The following ZNF423 variants were observed in gnomAD, a reference collection of about 807,000 sequenced individuals.
The protein encoded by ZNF423 is zinc finger protein 423, also known as Ebf-associated zinc finger protein.
ZNF423 carries 12 observed loss-of-function variants against 95.8 expected under a neutral mutation model. The observed-to-expected ratio is 0.13, with a 90% CI of 0.08 to 0.20. The LOEUF is 0.20. ZNF423 is among the 10% of genes least tolerant of loss of function. ZNF423 has a pLI of 1.00. For synonymous variants in ZNF423, 749 were observed against 711.9 expected (o/e 1.05, Z -0.83); for missense variants, 1,316 against 1,737.1 (o/e 0.76, Z 4.31).
chr16:49,851,372 G>A (rs1049763465), intron 1 of ZNF423, among the ~76,000 whole-genome samples: 3 of 152,228 alleles, frequency 2.0e-5, no homozygotes, highest in Non-Finnish European at 2.9e-5. Context: ...CAAATGAACA[G>A]TTAAGAGAAA....
Position 49,491,278 on chromosome 16 carries a change from C to T in ZNF423, c.3876G>A (p.Gln1292=), listed in dbSNP as rs763108153. ...LQNHTMSQHA[Q] The stretch of plus-strand genomic sequence containing the variant: ...AGGTGTCCTGTTGAGCGATCCCTCA[C>T]TGTGCGTGCTGGCTCATCGTGTGGT... The change falls in exon 8 of 8, where the codon CAG becomes CAA. Residue 1292 remains glutamine (Q), a synonymous_variant. Transcript: ENST00000563137. 6.8e-6 allele frequency: 11 copies of T among 1,614,116 alleles called. No homozygotes were observed. The East Asian group carries it at 2.2e-4, about 33-fold the overall frequency.
At chr16:49,506,975 G>C (rs1388896965) in intron 7 of ZNF423, among the ~76,000 whole-genome samples, 1 of 152,102 alleles carries the variant, frequency 6.6e-6, no homozygotes, top group Non-Finnish European at 1.5e-5. Flanking sequence ...AGGAAGAGGA[G>C]TGCATGAATA....
chr16:49,851,015 G>A (rs919921693), intron 1 of ZNF423, among the ~76,000 whole-genome samples: 13 of 152,276 alleles, frequency 8.5e-5, no homozygotes, highest in African/African-American at 2.9e-4. Flanking sequence ...ACTCAGAGCC[G>A]AAAGGCTCTG....
At chr16:49,522,889 T>A (rs1401309168) in intron 7 of ZNF423, among the ~76,000 whole-genome samples, 2 of 152,160 alleles carry the variant, frequency 1.3e-5, no homozygotes, top group Non-Finnish European at 2.9e-5. Flanking sequence ...TGCAAGAATT[T>A]TTTGCAAAAA....
intron 5 of ZNF423, among the ~76,000 whole-genome samples, chr16:49,549,678 C>T (rs965831511): frequency 6.6e-6 from 1 of 152,210 alleles, no homozygotes; most frequent in Non-Finnish European, 1.5e-5. Flanking sequence ...ATTCACACAT[C>T]CGGTCCTTGT....
chr16:49,848,416 G>A (rs2035267760), intron 1 of ZNF423, among the ~76,000 whole-genome samples: 1 of 152,176 alleles, frequency 6.6e-6, no homozygotes, highest in Admixed American at 6.5e-5. Context: ...ATTCAAAACA[G>A]TGAGTTCTCC....
intron 1 of ZNF423, among the ~76,000 whole-genome samples, chr16:49,791,454 G>C (rs1227276495): frequency 6.6e-6 from 1 of 152,186 alleles, no homozygotes; most frequent in Non-Finnish European, 1.5e-5. Context: ...CAAAAAATCA[G>C]TTTCCCTTAC....
At chr16:49,738,432 C>CTGATT (rs2033340603) in intron 2 of ZNF423, among the ~76,000 whole-genome samples, 1 of 152,122 alleles carries the variant, frequency 6.6e-6, no homozygotes, top group Non-Finnish European at 1.5e-5. Context: ...AGGCAAGTCC[C>CTGATT]CTACCTGAGC....
At chr16:49,655,490 C>T (rs889226687) in intron 3 of ZNF423, among the ~76,000 whole-genome samples, 1 of 152,206 alleles carries the variant, frequency 6.6e-6, no homozygotes, top group African/African-American at 2.4e-5. Flanking sequence ...ATCAGGTGCC[C>T]CTGCAGGAGA....
intron 3 of ZNF423, among the ~76,000 whole-genome samples, chr16:49,709,899 C>T (rs921060945): frequency 6.6e-6 from 1 of 152,170 alleles, no homozygotes; most frequent in African/African-American, 2.4e-5. Context: ...ATGTAAATCA[C>T]ACAATCAGTC....
chr16:49,585,032 C>G (rs1254032471), intron 5 of ZNF423, among the ~76,000 whole-genome samples: 8 of 152,148 alleles, frequency 5.3e-5, no homozygotes, highest in Non-Finnish European at 1.2e-4. Flanking sequence ...ATGGCTTTCT[C>G]AAGGCAGAAG....
chr16:49,547,576 A>G (rs1182311717), intron 5 of ZNF423, among the ~76,000 whole-genome samples: 1 of 152,166 alleles, frequency 6.6e-6, no homozygotes, highest in African/African-American at 2.4e-5. Context: ...ATGCTCTCCA[A>G]CTCCCTGGGT....
chr16:49,521,542 C>T (rs1968396058), intron 7 of ZNF423, among the ~76,000 whole-genome samples: 1 of 152,192 alleles, frequency 6.6e-6, no homozygotes, highest in African/African-American at 2.4e-5. Context: ...GAGACATCAG[C>T]TCAGTTTGTG....
At chr16:49,661,464 C>T (rs1039800863) in intron 3 of ZNF423, among the ~76,000 whole-genome samples, 1 of 152,246 alleles carries the variant, frequency 6.6e-6, no homozygotes, top group African/African-American at 2.4e-5. Context: ...CACCCCTCCA[C>T]AAGGAACACA....
intron 2 of ZNF423, among the ~76,000 whole-genome samples, chr16:49,739,573 C>A (rs12933456): frequency 0.16 from 24,100 of 152,054 alleles, 2,045 homozygotes; most frequent in South Asian, 0.26. Flanking sequence ...TTACAACCCA[C>A]AAGCCCACTG....
chr16:49,821,467 A>G (rs2034939597), intron 1 of ZNF423, among the ~76,000 whole-genome samples: 1 of 152,126 alleles, frequency 6.6e-6, no homozygotes, highest in Non-Finnish European at 1.5e-5. Context: ...GCTTAAGTGG[A>G]GGAAGCTTCA....
chr16:49,587,484 A>C (rs1306233589), intron 5 of ZNF423, among the ~76,000 whole-genome samples: 1 of 152,072 alleles, frequency 6.6e-6, no homozygotes, highest in Non-Finnish European at 1.5e-5. Context: ...AGGTGGAAGG[A>C]GCTGATCTAG....
At chr16:49,833,529 A>G (rs935995340) in intron 1 of ZNF423, among the ~76,000 whole-genome samples, 1 of 152,170 alleles carries the variant, frequency 6.6e-6, no homozygotes, top group Non-Finnish European at 1.5e-5. Flanking sequence ...CACAAGACAC[A>G]TTCGAGTGAG....
intron 1 of ZNF423, among the ~76,000 whole-genome samples, chr16:49,835,730 G>T (rs1741704716): frequency 6.6e-6 from 1 of 152,220 alleles, no homozygotes; most frequent in African/African-American, 2.4e-5. Context: ...AGCCTGCATA[G>T]GAGGTGGTGG....
Sources: gnomAD v4.1 joint callset for allele counts (sites outside exome capture counted in the v4.1 genomes callset) on GRCh38, gnomAD v4.1.1 for gene constraint, MANE v1.5 for transcripts, NCBI Gene and HGNC (gene_info 2026-07-23, HGNC 2026-07-21) for gene names.